Variants in KIF2A observed in about 807,000 individuals in gnomAD.
The protein encoded by KIF2A is kinesin family member 2A.
Under a neutral mutation model 100.2 loss-of-function variants are expected in KIF2A, and 22 were observed. The ratio of observed to expected loss-of-function variants is 0.22; its 90% confidence interval spans 0.16 to 0.31. The LOEUF is 0.31. Ranked by LOEUF, KIF2A falls within the 10% of genes least tolerant of loss-of-function variation. KIF2A has a pLI of 1.00. For synonymous variants in KIF2A, 268 were observed against 285.9 expected (o/e 0.94, Z 0.63); for missense variants, 495 against 898.7 (o/e 0.55, Z 5.74).
At chr5:62,345,720 T>C (rs1485330035) in intron 1 of KIF2A, among the ~76,000 whole-genome samples, 1 of 152,138 alleles carries the variant, frequency 6.6e-6, no homozygotes, top group Non-Finnish European at 1.5e-5. Context: ...TTAACAGTAT[T>C]GAATGCCTCA....
chr5:62,311,907 T>C (rs749777014), intron 1 of KIF2A: 4 of 152,200 alleles, frequency 2.6e-5, no homozygotes, highest in Admixed American at 6.5e-5. Context: ...AGGTGGCAGA[T>C]TATTGGTTTA....
chr5:62,338,353 A>ATCTT (rs998120209), intron 1 of KIF2A, among the ~76,000 whole-genome samples: 4 of 152,220 alleles, frequency 2.6e-5, no homozygotes, highest in African/African-American at 9.6e-5. Flanking sequence ...CAGAGGCACA[A>ATCTT]TCTTGGCTCA....
chr5:62,362,295 AT>A (rs1350670127), intron 11 of KIF2A, 154 bp from the exon 12 acceptor site: 1 of 330,764 alleles, frequency 3.0e-6, no homozygotes, highest in Non-Finnish European at 5.6e-6. Context: ...TATTAATACT[AT>A]TTTTTGTAAA....
chr5:62,352,319 A>AT, intron 4 of KIF2A, among the ~76,000 whole-genome samples: 1 of 152,048 alleles, frequency 6.6e-6, no homozygotes, highest in Non-Finnish European at 1.5e-5. Context: ...TTTTATGTAA[A>AT]TTATTTAGAT....
chr5:62,354,276 T>TA (rs1255130179), intron 6 of KIF2A, among the ~76,000 whole-genome samples: 6 of 152,138 alleles, frequency 3.9e-5, no homozygotes, highest in Non-Finnish European at 8.8e-5. Context: ...TCATAATACT[T>TA]ACACATCTCT....
At chr5:62,307,174 A>C (rs1745344068) in intron 1 of KIF2A, 1 of 151,906 alleles carries the variant, frequency 6.6e-6, no homozygotes, top group South Asian at 2.1e-4. Context: ...GCCATGAATA[A>C]GGGTGGGGGA....
At chr5:62,309,673 T>C (rs138344540) in intron 1 of KIF2A, among the ~76,000 whole-genome samples, 106 of 152,336 alleles carry the variant, frequency 7.0e-4, no homozygotes, top group Non-Finnish European at 1.4e-3. Context: ...CAGACCATTA[T>C]TAACTGGTGA....
intron 1 of KIF2A, among the ~76,000 whole-genome samples, chr5:62,325,520 G>A (rs1580012279): frequency 6.6e-6 from 1 of 151,972 alleles, no homozygotes; most frequent in South Asian, 2.1e-4. Flanking sequence ...ACATACATGT[G>A]GCCAACAGGT....
rs774962082 is a variant in KIF2A at position 62,348,151 on chromosome 5, T to C, written c.263T>C (p.Val88Ala). 4 of 1,613,584 alleles carry C rather than the reference T, an allele frequency of 2.5e-6. No individual in the cohort carries two copies. The highest frequency in any genetic ancestry group is 3.4e-6 in the Non-Finnish European group (4 of 1,179,754). ...TPPPPASSAK[V>A]NKIVKNRRTV... ...CCACCTCCAGCATCCTCAGCCAAAG[T>C]AAACAAAATTGTAAAGGTTAGTGAT... is the stretch of plus-strand genomic sequence containing the variant. The change falls in exon 3 of 21, where the codon GTA (valine) becomes GCA (alanine). Residue 88 changes from valine (V) to alanine (A), a missense_variant. Val to Ala is a moderately conservative substitution (Grantham distance 64, BLOSUM62 0). This residue lies in a region of KIF2A where 115 missense variants were observed against 143.6 expected (regional missense o/e 0.80). Coordinates refer to ENST00000407818, the MANE Select transcript of KIF2A (RefSeq NM_001098511.3).
rs116334896 is a variant in KIF2A at position 62,349,809 on chromosome 5, T to C, written c.280-257T>C. On this transcript the variant is annotated intron_variant, in intron 3 of 20. Transcript: ENST00000407818. ...ATAGCAGTAGTAATGACCTCATAGG[T>C]TGTTGTGAAGAAAGTCCTTAGATCA... Among the ~76,000 whole-genome samples the C allele has an allele frequency of 0.025, 3,837 of 152,230 alleles. 143 individuals are homozygous for C. The highest frequency in any genetic ancestry group is 0.085 in the African/African-American group (3,517 of 41,542).
intron 1 of KIF2A, among the ~76,000 whole-genome samples, chr5:62,333,998 C>T (rs950881198): frequency 2.0e-5 from 3 of 152,130 alleles, no homozygotes; most frequent in African/African-American, 7.2e-5. Context: ...TAGAAGCTGT[C>T]GTCACCCTCC....
At chr5:62,381,476 T>C (rs756975906) in intron 20 of KIF2A, among the ~76,000 whole-genome samples, 3 of 152,394 alleles carry the variant, frequency 2.0e-5, no homozygotes, top group Non-Finnish European at 2.9e-5. Flanking sequence ...GACAGTCATC[T>C]TAAAGAGAGA....
intron 1 of KIF2A, among the ~76,000 whole-genome samples, chr5:62,343,911 CAT>C (rs377655986): frequency 1.4e-3 from 210 of 152,302 alleles, no homozygotes; most frequent in African/African-American, 4.8e-3. Flanking sequence ...GGACTTAAGA[CAT>C]ATAGACATCT....
At chr5:62,355,376 A>G in intron 7 of KIF2A, 122 bp downstream of exon 7, 1 of 576,006 alleles carries the variant, frequency 1.7e-6, no homozygotes, top group South Asian at 2.6e-5. Flanking sequence ...GTGGGTGCTC[A>G]TTCCCCATAT....
At chr5:62,351,758 G>A (rs965811668) in intron 4 of KIF2A, among the ~76,000 whole-genome samples, 26 of 152,028 alleles carry the variant, frequency 1.7e-4, no homozygotes, top group African/African-American at 5.6e-4. Context: ...CATATTTGAG[G>A]AGCAAAGAGT....
In KIF2A at chr5:62,383,329, G is replaced by C. The variant is rs529734456; in HGVS notation, c.2149+2076G>C. The stretch of plus-strand genomic sequence containing the variant: ...GCGATCTTGGCTCAGTGAAAGCTCC[G>C]CCTCCCAGGTTCATGCCATTCTCCT... On this transcript the variant is annotated intron_variant, in intron 20 of 20. Transcript: ENST00000407818. Among the ~76,000 whole-genome samples the C allele has an allele frequency of 1.5e-4, 19 of 128,798 alleles. No homozygotes were observed. In the South Asian group the frequency reaches 5.2e-3, roughly 35 times the overall value. The allele number at this position is 128,798 out of a possible 152,430, so 84.5% of individuals were successfully genotyped here. A position where few individuals can be genotyped will look rare whatever the true frequency, so the allele number is the denominator to read the frequency against.
chr5:62,373,899 A>C, intron 18 of KIF2A, 62 bp downstream of exon 18: 1 of 1,296,902 alleles, frequency 7.7e-7, no homozygotes, highest in Non-Finnish European at 1.1e-6. Flanking sequence ...GCAGAACTTA[A>C]CTGAAAACTA....
intron 9 of KIF2A, among the ~76,000 whole-genome samples, chr5:62,360,813 ATTAC>A (rs1272535864): frequency 6.6e-6 from 1 of 152,166 alleles, no homozygotes; most frequent in African/African-American, 2.4e-5. Flanking sequence ...TTAAGTATAA[ATTAC>A]TTGTCTAAAT....
intron 20 of KIF2A, among the ~76,000 whole-genome samples, chr5:62,384,502 G>A (rs1470128385): frequency 6.6e-6 from 1 of 152,050 alleles, no homozygotes; most frequent in African/African-American, 2.4e-5. Flanking sequence ...CAGCATCGTT[G>A]GTCTCTGTCC....
Sources: allele counts gnomAD v4.1 joint callset (sites outside exome capture counted in the v4.1 genomes callset), GRCh38; gene constraint gnomAD v4.1.1; regional missense constraint gnomAD v4.1.1; transcripts MANE v1.5; gene names NCBI Gene and HGNC (gene_info 2026-07-23, HGNC 2026-07-21).